The following FAM107B variants were observed in gnomAD, a reference collection of about 807,000 sequenced individuals.
FAM107B encodes the protein protein FAM107B.
Under a neutral mutation model 31.5 loss-of-function variants are expected in FAM107B, and 21 were observed. The ratio of observed to expected loss-of-function variants is 0.67; its 90% CI spans 0.47 to 0.96. The LOEUF (loss-of-function observed/expected upper bound fraction) is 0.96, where lower values mean the gene tolerates loss of function less well. Ranked by LOEUF, FAM107B falls within the 40% of genes least tolerant of loss-of-function variation. FAM107B has a pLI of 0.00. For missense variants in FAM107B, 452 were observed against 377.1 expected (o/e 1.20, Z -1.64); for synonymous variants, 157 against 141.5 (o/e 1.11, Z -0.78).
chr10:14,538,259 A>G (rs964196757), intron 2 of FAM107B, among the ~76,000 whole-genome samples: 57 of 152,352 alleles, frequency 3.7e-4, no homozygotes, highest in African/African-American at 1.3e-3. Context: ...AATGATTTTT[A>G]TAAGAATGTT....
At chr10:14,574,737 A>AT (rs1329841698) in intron 2 of FAM107B, among the ~76,000 whole-genome samples, 2 of 152,186 alleles carry the variant, frequency 1.3e-5, no homozygotes, top group African/African-American at 4.8e-5. Context: ...AAATTACTTG[A>AT]TTTTTTAATA....
chr10:14,557,809 G>A (rs1234289156), intron 2 of FAM107B, among the ~76,000 whole-genome samples: 1 of 152,204 alleles, frequency 6.6e-6, no homozygotes, highest in Non-Finnish European at 1.5e-5. Context: ...TGATGCCATT[G>A]GAGGGGCCTA....
At chr10:14,763,006 T>C (rs149384332) in intron 1 of FAM107B, among the ~76,000 whole-genome samples, 5,328 of 152,182 alleles carry the variant, frequency 0.035, 303 homozygotes, top group African/African-American at 0.12. Flanking sequence ...CTCATGCCTA[T>C]AATCCCAGCA....
intron 1 of FAM107B, among the ~76,000 whole-genome samples, chr10:14,757,234 A>C (rs1478609822): frequency 2.0e-5 from 3 of 151,894 alleles, no homozygotes. Flanking sequence ...AGGGTTGGGA[A>C]TTTTGTTTAA....
At chr10:14,692,652 G>A (rs890337262) in intron 1 of FAM107B, among the ~76,000 whole-genome samples, 3 of 152,102 alleles carry the variant, frequency 2.0e-5, no homozygotes, top group South Asian at 2.1e-4. Flanking sequence ...TGGTGTCCCC[G>A]TGTACTCTCA....
intron 2 of FAM107B, chr10:14,604,125 G>GCCCCCCCCCC: frequency 5.4e-6 from 1 of 186,482 alleles, no homozygotes; most frequent in Non-Finnish European, 9.4e-6. Flanking sequence ...CCCCCCACCC[G>GCCCCCCCCCC]CCCGGCCGCC....
chr10:14,718,902 C>G (rs1855844505), intron 1 of FAM107B, among the ~76,000 whole-genome samples: 1 of 152,070 alleles, frequency 6.6e-6, no homozygotes, highest in South Asian at 2.1e-4. Flanking sequence ...TCATTTTTGA[C>G]TCTCAACGAC....
rs1445289612 is a variant in FAM107B at position 14,568,163 on chromosome 10, C to T, written c.470-37648G>A. Among the ~76,000 whole-genome samples, 6 of 152,194 alleles carry T rather than the reference C, an allele frequency of 3.9e-5. No homozygotes were observed. In the East Asian group the frequency reaches 5.8e-4, roughly 15 times the overall value. ...ACTGAGACAAGGCTCAAAGCAGCAGCGAGGGGAAGGGTCATGACCCAAAAG... is the reference window on the plus strand; with the variant it reads ...ACTGAGACAAGGCTCAAAGCAGCAGTGAGGGGAAGGGTCATGACCCAAAAG... On this transcript the variant is annotated intron_variant, in intron 2 of 4. Coordinates refer to ENST00000181796, the MANE Select transcript of FAM107B (RefSeq NM_031453.4).
intron 1 of FAM107B, among the ~76,000 whole-genome samples, chr10:14,728,918 G>A (rs940882499): frequency 5.9e-5 from 9 of 152,166 alleles, no homozygotes; most frequent in Admixed American, 3.9e-4. Context: ...GCCTCGTAAT[G>A]AATAGCAAGT....
chr10:14,573,954 T>G (rs1378806556), intron 2 of FAM107B, among the ~76,000 whole-genome samples: 1 of 73,416 alleles, frequency 1.4e-5, no homozygotes, highest in African/African-American at 4.0e-5. Flanking sequence ...GGAGTTTATC[T>G]GCTCTTTCTC....
Position 14,685,115 on chromosome 10 carries a change from G to A in FAM107B, c.412-17424C>T, listed in dbSNP as rs377017018. ...AGTGCTGAGATTATAGGTGTTAGTCGTCACGCCCAGCCAATAACATCCTTT... is the reference window on the plus strand; with the variant it reads ...AGTGCTGAGATTATAGGTGTTAGTCATCACGCCCAGCCAATAACATCCTTT... On this transcript the variant is annotated intron_variant, in intron 1 of 4. Transcript: ENST00000181796. Among the ~76,000 whole-genome samples the A allele has an allele frequency of 7.4e-5, 11 of 148,768 alleles. No homozygotes were observed. The South Asian group carries it at 1.1e-3, about 14-fold the overall frequency.
At chr10:14,687,001 G>T (rs1448175644) in intron 1 of FAM107B, among the ~76,000 whole-genome samples, 1 of 152,208 alleles carries the variant, frequency 6.6e-6, no homozygotes, top group African/African-American at 2.4e-5. Flanking sequence ...TGCTTTTCAG[G>T]AATTTCAGGA....
intron 2 of FAM107B, among the ~76,000 whole-genome samples, chr10:14,637,135 T>C (rs935788641): frequency 6.6e-6 from 1 of 152,146 alleles, no homozygotes; most frequent in African/African-American, 2.4e-5. Context: ...CATCGGTGTC[T>C]CCCTTTTAAC....
intron 2 of FAM107B, among the ~76,000 whole-genome samples, chr10:14,649,699 T>A (rs1853851946): frequency 6.6e-6 from 1 of 152,184 alleles, no homozygotes; most frequent in Non-Finnish European, 1.5e-5. Flanking sequence ...CTGTATTAAT[T>A]TATGTCTTAT....
intron 1 of FAM107B, among the ~76,000 whole-genome samples, chr10:14,680,600 G>T (rs1013549161): frequency 6.6e-6 from 1 of 150,980 alleles, no homozygotes; most frequent in African/African-American, 2.4e-5. Context: ...TGCACAGAGG[G>T]AACCTGAGGA....
At chr10:14,671,904 C>CAAA (rs1564621077) in intron 1 of FAM107B, among the ~76,000 whole-genome samples, 1 of 137,848 alleles carries the variant, frequency 7.3e-6, no homozygotes, top group African/African-American at 3.0e-5. Context: ...AAAAAAAAAA[C>CAAA]CCTCTATTTC....
At chr10:14,643,737 C>T (rs1256724474) in intron 2 of FAM107B, among the ~76,000 whole-genome samples, 1 of 152,130 alleles carries the variant, frequency 6.6e-6, no homozygotes, top group Non-Finnish European at 1.5e-5. Flanking sequence ...AGCAAACTAA[C>T]TCAAACATTA....
chr10:14,542,074 T>C (rs777280228), intron 2 of FAM107B, among the ~76,000 whole-genome samples: 4 of 151,830 alleles, frequency 2.6e-5, no homozygotes, highest in East Asian at 3.9e-4. Flanking sequence ...CTTGGCCAAG[T>C]AGAAACCCCA....
intron 2 of FAM107B, among the ~76,000 whole-genome samples, chr10:14,622,618 T>A (rs1188948916): frequency 3.9e-5 from 6 of 152,148 alleles, no homozygotes; most frequent in South Asian, 2.1e-4. Flanking sequence ...AGAGAGAAAG[T>A]CAGAAAGCTT....
Sources: gnomAD v4.1 joint callset for allele counts (sites outside exome capture counted in the v4.1 genomes callset) on GRCh38, gnomAD v4.1.1 for gene constraint, MANE v1.5 for transcripts, NCBI Gene and HGNC (gene_info 2026-07-23, HGNC 2026-07-21) for gene names.